The following LRFN2 variants were observed in gnomAD, a reference collection of about 807,000 sequenced individuals.
LRFN2 encodes leucine-rich repeat and fibronectin type-III domain-containing protein 2.
Under a neutral mutation model 37.3 loss-of-function variants are expected in LRFN2, and 18 were observed. The observed-to-expected ratio is 0.48, with a 90% CI of 0.33 to 0.72. The LOEUF (loss-of-function observed/expected upper bound fraction) is 0.72. LRFN2 is among the 30% of genes least tolerant of loss of function. The pLI is 0.02. For synonymous variants in LRFN2, 556 were observed against 466.6 expected (o/e 1.19, Z -2.47); for missense variants, 1,006 against 1,060.7 (o/e 0.95, Z 0.72).
At chr6:40,491,438 C>T (rs1036648144) in intron 1 of LRFN2, among the ~76,000 whole-genome samples, 7 of 152,214 alleles carry the variant, frequency 4.6e-5, no homozygotes, top group African/African-American at 1.2e-4. Context: ...CCTAGCATCC[C>T]GGCTCTGGCC....
At chr6:40,464,409 T>C (rs879885047) in intron 1 of LRFN2, among the ~76,000 whole-genome samples, 6 of 152,240 alleles carry the variant, frequency 3.9e-5, no homozygotes, top group Non-Finnish European at 8.8e-5. Context: ...AATGCTGTTA[T>C]GGTGGAGTAG....
At chr6:40,460,849 T>A (rs1178105531) in intron 1 of LRFN2, among the ~76,000 whole-genome samples, 2 of 152,166 alleles carry the variant, frequency 1.3e-5, no homozygotes, top group Non-Finnish European at 1.5e-5. Flanking sequence ...AATGTTATTT[T>A]AAAAAGTTGG....
At chr6:40,513,423 G>A (rs143013078) in intron 1 of LRFN2, among the ~76,000 whole-genome samples, 2 of 151,986 alleles carry the variant, frequency 1.3e-5, no homozygotes, top group African/African-American at 4.8e-5. Context: ...TAGTAGAGAC[G>A]GGGTTTCACC....
At chr6:40,396,496 G>A (rs554335681) in intron 2 of LRFN2, among the ~76,000 whole-genome samples, 154 of 152,286 alleles carry the variant, frequency 1.0e-3, no homozygotes, top group African/African-American at 3.5e-3. Context: ...ATGAAGCTGC[G>A]GTTGGGCTGT....
At chr6:40,520,722 G>A (rs1479197227) in intron 1 of LRFN2, among the ~76,000 whole-genome samples, 1 of 152,138 alleles carries the variant, frequency 6.6e-6, no homozygotes, top group Non-Finnish European at 1.5e-5. Context: ...AGTAGGGGGA[G>A]GGAGGGGTGG....
At chr6:40,549,504 C>T (rs563683997) in intron 1 of LRFN2, among the ~76,000 whole-genome samples, 2 of 152,254 alleles carry the variant, frequency 1.3e-5, no homozygotes, top group East Asian at 3.9e-4. Context: ...AAAAGACAAC[C>T]TTTGGTTCAA....
At chr6:40,428,930 C>T (rs1016576070) in intron 2 of LRFN2, among the ~76,000 whole-genome samples, 62 of 152,074 alleles carry the variant, frequency 4.1e-4, no homozygotes, top group African/African-American at 1.4e-3. Context: ...GGATGTGATG[C>T]TAGTCTTATT....
intron 1 of LRFN2, among the ~76,000 whole-genome samples, chr6:40,561,570 T>C (rs1766995246): frequency 6.6e-6 from 1 of 152,132 alleles, no homozygotes; most frequent in Non-Finnish European, 1.5e-5. Flanking sequence ...ATCTTGTCAG[T>C]ACATGGGGTA....
chr6:40,496,925 A>C (rs940510080), intron 1 of LRFN2, among the ~76,000 whole-genome samples: 2 of 152,038 alleles, frequency 1.3e-5, no homozygotes. Flanking sequence ...GGCCTTGAAA[A>C]TCCAGTTAAT....
chr6:40,476,935 C>G (rs1266422009), intron 1 of LRFN2, among the ~76,000 whole-genome samples: 1 of 152,242 alleles, frequency 6.6e-6, no homozygotes, highest in Non-Finnish European at 1.5e-5. Flanking sequence ...AGGAATATCT[C>G]AGGCCTGCTA....
At chr6:40,505,094 A>T (rs148021759) in intron 1 of LRFN2, among the ~76,000 whole-genome samples, 1,536 of 152,344 alleles carry the variant, frequency 0.01, 13 homozygotes, top group Middle Eastern at 0.031. Context: ...CAAAGCAGCC[A>T]GTGGGCTCTG....
intron 1 of LRFN2, among the ~76,000 whole-genome samples, chr6:40,577,078 ATTTTCTTTTC>A (rs201046012): frequency 1.8e-5 from 1 of 56,854 alleles, no homozygotes; most frequent in South Asian, 5.5e-4. Flanking sequence ...TCCAAGGCCC[ATTTTCTTTTC>A]TTTTCTTTTC....
At chr6:40,570,598 C>T (rs1008281476) in intron 1 of LRFN2, among the ~76,000 whole-genome samples, 7 of 152,156 alleles carry the variant, frequency 4.6e-5, no homozygotes, top group Admixed American at 3.3e-4. Context: ...AACCAACAAG[C>T]AGATACAGAG....
intron 2 of LRFN2, among the ~76,000 whole-genome samples, chr6:40,397,448 T>G (rs2113794006): frequency 6.6e-6 from 1 of 152,300 alleles, no homozygotes; most frequent in African/African-American, 2.4e-5. Context: ...TCTCTAGTGC[T>G]CCACCTAAAA....
intron 2 of LRFN2, among the ~76,000 whole-genome samples, chr6:40,400,414 A>C (rs906877421): frequency 7.6e-6 from 1 of 132,336 alleles, no homozygotes; most frequent in East Asian, 2.3e-4. Context: ...CTGGAGAGGT[A>C]CTTTTCCTTT....
chr6:40,558,322 C>T (rs1421579227), intron 1 of LRFN2, among the ~76,000 whole-genome samples: 1 of 152,232 alleles, frequency 6.6e-6, no homozygotes, highest in Non-Finnish European at 1.5e-5. Flanking sequence ...CTGCCTGCAG[C>T]TTTGTGCCCA....
chr6:40,507,344 A>T (rs993479020), intron 1 of LRFN2, among the ~76,000 whole-genome samples: 12 of 152,172 alleles, frequency 7.9e-5, no homozygotes, highest in Non-Finnish European at 1.3e-4. Flanking sequence ...TGGGGTTTTG[A>T]TTACCACTGT....
chr6:40,532,410 G>T (rs1766359910), intron 1 of LRFN2, among the ~76,000 whole-genome samples: 1 of 152,158 alleles, frequency 6.6e-6, no homozygotes, highest in Non-Finnish European at 1.5e-5. Flanking sequence ...AATGTCATGT[G>T]CTTTATCTTT....
At chr6:40,429,832 C>A (rs1312868583) in intron 2 of LRFN2, among the ~76,000 whole-genome samples, 1 of 151,980 alleles carries the variant, frequency 6.6e-6, no homozygotes, top group African/African-American at 2.4e-5. Flanking sequence ...ATAATACAGC[C>A]AAATAAAAAA....
Sources: gnomAD v4.1 joint callset for allele counts (sites outside exome capture counted in the v4.1 genomes callset) on GRCh38, gnomAD v4.1.1 for gene constraint, MANE v1.5 for transcripts, NCBI Gene and HGNC (gene_info 2026-07-23, HGNC 2026-07-21) for gene names.